The following FARP1 variants were observed in gnomAD, a reference collection of about 807,000 sequenced individuals.
The protein encoded by FARP1 is FERM, ARHGEF and pleckstrin domain-containing protein 1.
Under a neutral mutation model 128.8 loss-of-function variants are expected in FARP1, and 52 were observed. The ratio of observed to expected loss-of-function variants is 0.40; its 90% CI spans 0.32 to 0.51. The LOEUF (loss-of-function observed/expected upper bound fraction) is 0.51. Ranked by LOEUF, FARP1 falls within the 20% of genes least tolerant of loss-of-function variation. The pLI is 0.45. For missense variants in FARP1, 1,333 were observed against 1,367.9 expected (o/e 0.97, Z 0.40); for synonymous variants, 580 against 551.8 (o/e 1.05, Z -0.72).
chr13:98,350,106 T>C (rs556645981), intron 3 of FARP1, among the ~76,000 whole-genome samples: 5 of 151,964 alleles, frequency 3.3e-5, no homozygotes, highest in Admixed American at 2.6e-4. Flanking sequence ...AGAGGTGAGG[T>C]TGTACAGCGG....
Position 98,176,672 on chromosome 13 carries a change from A to G in FARP1, c.-24+33180A>G. On this transcript the variant is annotated intron_variant, in intron 1 of 26. Transcript: ENST00000319562. This position sits in a 1 kb window ranked among gnomAD's most constrained non-coding sequence, Gnocchi z 6.2. ...TTGCAGATGTCAGGCTGGTAATCCC[A>G]GCGCACAGTGGCGCGCAGATGCCCT... 1 of 1,614,224 alleles carries G rather than the reference A, an allele frequency of 6.2e-7. No homozygotes were observed. The highest frequency in any genetic ancestry group is 1.1e-5 in the South Asian group (1 of 91,090).
chr13:98,200,001 C>T (rs963958174), intron 1 of FARP1, among the ~76,000 whole-genome samples: 10 of 152,172 alleles, frequency 6.6e-5, no homozygotes, highest in African/African-American at 2.4e-4. Flanking sequence ...CACTTCCATT[C>T]TACACATTTT....
At chr13:98,194,782 G>A (rs1321633670) in intron 1 of FARP1, among the ~76,000 whole-genome samples, 1 of 152,172 alleles carries the variant, frequency 6.6e-6, no homozygotes, top group East Asian at 1.9e-4. Context: ...TTTCTTTCTA[G>A]GATTTAGAAA....
intron 1 of FARP1, among the ~76,000 whole-genome samples, chr13:98,194,565 T>G (rs576878537): frequency 1.5e-3 from 229 of 152,366 alleles, no homozygotes; most frequent in African/African-American, 5.4e-3. Flanking sequence ...AATTGCAACC[T>G]CAGGCATAAA....
chr13:98,173,222 T>G (rs544452656), intron 1 of FARP1, among the ~76,000 whole-genome samples: 1 of 152,304 alleles, frequency 6.6e-6, no homozygotes, highest in East Asian at 1.9e-4. Context: ...GGTCATTTGT[T>G]CTTGAGAGTT....
At chr13:98,356,814 T>C (rs1179543827) in intron 3 of FARP1, among the ~76,000 whole-genome samples, 1 of 151,954 alleles carries the variant, frequency 6.6e-6, no homozygotes, top group East Asian at 1.9e-4. Flanking sequence ...TTTGTATTTT[T>C]AGTAGAGACA....
intron 2 of FARP1, among the ~76,000 whole-genome samples, chr13:98,272,216 G>A (rs1411049964): frequency 7.9e-5 from 12 of 152,058 alleles, no homozygotes; most frequent in Admixed American, 2.0e-4. Flanking sequence ...TTTTAGTAGA[G>A]ATGGAGTTTC....
At position 98,213,374 on chromosome 13, in the gene FARP1, C is replaced by A; in HGVS notation, c.132C>A (p.Ile44=). The A allele has an allele frequency of 6.2e-7, 1 of 1,614,062 alleles. No individual in the cohort carries two copies. Among genetic ancestry groups the A allele is most frequent in the Non-Finnish European group, 8.5e-7 (1 of 1,180,002 alleles). ...TPSGKLVSIK[I]QMLDDTQEAF... ...CAGGAAAACTCGTGTCCATCAAAAT[C>A]CAGATGCTGGATGACACCCAGGAGG... Residue 44 remains isoleucine, a synonymous_variant, in exon 2 of 27, where the codon ATC becomes ATA. Coordinates refer to ENST00000319562, the MANE Select transcript of FARP1 (RefSeq NM_005766.4).
At chr13:98,145,120 G>C (rs1307108444) in intron 1 of FARP1, among the ~76,000 whole-genome samples, 7 of 152,182 alleles carry the variant, frequency 4.6e-5, no homozygotes, top group Admixed American at 4.6e-4. Context: ...TTTACTGAGG[G>C]AATTGTTGGT....
rs1473587987 is a variant in FARP1, at chr13:98,163,898, G to A, written c.-24+20406G>A. On this transcript the variant is annotated intron_variant, in intron 1 of 26. Coordinates refer to ENST00000319562, the MANE Select transcript of FARP1 (RefSeq NM_005766.4). The stretch of plus-strand genomic sequence containing the variant: ...TAATTTTTGTATTTTTAATAGAGAC[G>A]AGGTTTCACCATGTTGGCCAGGCTG... Among the ~76,000 whole-genome samples, 4 of 151,968 alleles carry A rather than the reference G, an allele frequency of 2.6e-5. No homozygotes were observed. The East Asian group carries it at 5.8e-4, about 22-fold the overall frequency.
intron 2 of FARP1, among the ~76,000 whole-genome samples, chr13:98,245,530 A>G (rs1262307331): frequency 2.0e-5 from 3 of 152,224 alleles, no homozygotes; most frequent in Non-Finnish European, 4.4e-5. Context: ...CTTAATTTTT[A>G]AAAAGCCTCC....
chr13:98,344,902 A>T lies in FARP1; in HGVS notation c.276+1036A>T, dbSNP rs1888117970. 3.3e-5 allele frequency among the ~76,000 whole-genome samples: 5 copies of T among 152,168 alleles called. No homozygotes were observed. In the South Asian group the frequency reaches 1.0e-3, roughly 32 times the overall value. On this transcript the variant is annotated intron_variant, in intron 3 of 26. Transcript: ENST00000319562. The stretch of plus-strand genomic sequence containing the variant: ...AGCCCTTTTTACAGTGTGGCATATG[A>T]CCACAGACCTGCCAAATCTCATTCT...
chr13:98,224,151 A>G (rs1881597293), intron 2 of FARP1, among the ~76,000 whole-genome samples: 2 of 152,198 alleles, frequency 1.3e-5, no homozygotes, highest in Admixed American at 1.3e-4. Flanking sequence ...GGTTATCACA[A>G]CAATACCTTT....
intron 2 of FARP1, among the ~76,000 whole-genome samples, chr13:98,250,153 A>G (rs1883252649): frequency 6.6e-6 from 1 of 152,228 alleles, no homozygotes; most frequent in Non-Finnish European, 1.5e-5. Context: ...TCGGAGAAAC[A>G]CAGACACTTT....
In FARP1 at chr13:98,453,116, A is replaced by C. The variant is rs1893274702; in HGVS notation, c.*4799A>C. ...GAAGGCTCTCGTTGACTTTTAAAAA[A>C]GGAGGAGGATGAAGAAGGAAAAAAG... On this transcript the variant is annotated 3_prime_UTR_variant, in exon 27 of 27. Coordinates refer to ENST00000319562, the MANE Select transcript of FARP1 (RefSeq NM_005766.4). 2 of 1,598,232 alleles carry C rather than the reference A, an allele frequency of 1.3e-6. No individual in the cohort carries two copies. The highest frequency in any genetic ancestry group is 2.7e-5 in the African/African-American group (2 of 74,392).
In FARP1 at chr13:98,393,680, T is replaced by A. The variant is rs747289046; in HGVS notation, c.1126T>A (p.Ser376Thr). 5 of 1,614,174 alleles carry A rather than the reference T, an allele frequency of 3.1e-6. No individual in the cohort carries two copies. The South Asian group carries it at 5.5e-5, about 18-fold the overall frequency. The change falls in exon 12 of 27, where the codon TCA becomes ACA. Residue 376 changes from serine to threonine, a missense_variant. By Grantham distance (58) the Ser-to-Thr change is moderately conservative (BLOSUM62 1). Coordinates refer to ENST00000319562, the MANE Select transcript of FARP1 (RefSeq NM_005766.4). ...SKIHSIRSLA[S>T]QPTELNSEVL... ...GATTCATTCTATCCGGAGCCTTGCT[T>A]CACAGCCTACAGAACTGAATTCGGA...
chr13:98,178,884 A>T (rs1003170212), intron 1 of FARP1, among the ~76,000 whole-genome samples: 1 of 152,168 alleles, frequency 6.6e-6, no homozygotes, highest in Non-Finnish European at 1.5e-5. Context: ...CCCATCTTTC[A>T]TGTTGGAAGC....
At chr13:98,383,792 C>T (rs1889981099) in intron 6 of FARP1, 1 of 152,104 alleles carries the variant, frequency 6.6e-6, no homozygotes, top group Non-Finnish European at 1.5e-5. Context: ...CACATTCCAG[C>T]AGTATTGAGG....
At chr13:98,190,733 GTTTT>G (rs5806053) in intron 1 of FARP1, among the ~76,000 whole-genome samples, 1 of 131,018 alleles carries the variant, frequency 7.6e-6, no homozygotes, top group Non-Finnish European at 1.7e-5. Flanking sequence ...AGCTTTTTAA[GTTTT>G]TTTTTTTTTT....
Sources: gnomAD v4.1 joint callset for allele counts (sites outside exome capture counted in the v4.1 genomes callset) on GRCh38, gnomAD v4.1.1 for gene constraint, Gnocchi (gnomAD v3.1) non-coding constraint, MANE v1.5 for transcripts, NCBI Gene and HGNC (gene_info 2026-07-23, HGNC 2026-07-21) for gene names.